The following PRKD1 variants were observed in gnomAD, a reference collection of about 807,000 sequenced individuals.
PRKD1 encodes the protein protein kinase D1, also known as serine/threonine-protein kinase D1.
PRKD1 carries 63 observed loss-of-function variants against 95.9 expected under a neutral mutation model. That is an observed-to-expected ratio of 0.66 (90% CI 0.54 to 0.81). The LOEUF (loss-of-function observed/expected upper bound fraction) is 0.81, where lower values mean the gene tolerates loss of function less well. Among genes scored for constraint, PRKD1 ranks in the 30% least tolerant of loss-of-function variants. The pLI, the probability that PRKD1 is intolerant of heterozygous loss-of-function variation, is 0.00. For synonymous variants in PRKD1, 425 were observed against 423.1 expected (o/e 1.00, Z -0.05); for missense variants, 1,048 against 1,165.3 (o/e 0.90, Z 1.47).
chr14:29,828,749 G>A (rs1196371495), intron 1 of PRKD1, among the ~76,000 whole-genome samples: 1 of 152,058 alleles, frequency 6.6e-6, no homozygotes, highest in Non-Finnish European at 1.5e-5. Context: ...AACATATACT[G>A]AATTAGATAT....
intron 2 of PRKD1, among the ~76,000 whole-genome samples, chr14:29,677,504 T>G (rs925781485): frequency 1.3e-5 from 2 of 152,238 alleles, no homozygotes; most frequent in Non-Finnish European, 2.9e-5. Context: ...TTTTGTGGTG[T>G]TAACTCCATT....
At chr14:29,786,053 G>T (rs1191439427) in intron 1 of PRKD1, among the ~76,000 whole-genome samples, 1 of 152,080 alleles carries the variant, frequency 6.6e-6, no homozygotes, top group Non-Finnish European at 1.5e-5. Context: ...TCAACATGAA[G>T]GGATGTGAAA....
At chr14:29,882,511 G>A (rs1893548462) in intron 1 of PRKD1, among the ~76,000 whole-genome samples, 1 of 152,152 alleles carries the variant, frequency 6.6e-6, no homozygotes, top group Admixed American at 6.5e-5. Context: ...ATTAGTTGTG[G>A]TGAGATAATA....
chr14:29,671,860 TAATA>T (rs377473005), intron 2 of PRKD1, among the ~76,000 whole-genome samples: 4 of 152,062 alleles, frequency 2.6e-5, no homozygotes, highest in Non-Finnish European at 4.4e-5. Flanking sequence ...AACAGAAGAG[TAATA>T]AATAAATTTT....
intron 16 of PRKD1, among the ~76,000 whole-genome samples, chr14:29,595,122 C>T (rs1893254649): frequency 6.6e-6 from 1 of 152,088 alleles, no homozygotes; most frequent in Non-Finnish European, 1.5e-5. Flanking sequence ...CCCATCTGAG[C>T]TGGTCTCCAT....
At chr14:29,652,757 C>T (rs905014696) in intron 4 of PRKD1, 2 of 152,162 alleles carry the variant, frequency 1.3e-5, no homozygotes, top group Non-Finnish European at 2.9e-5. Context: ...GAGAAATCAC[C>T]AGGATTCCTG....
At chr14:29,766,273 G>A (rs755671504) in intron 1 of PRKD1, among the ~76,000 whole-genome samples, 2 of 152,038 alleles carry the variant, frequency 1.3e-5, no homozygotes, top group Non-Finnish European at 2.9e-5. Flanking sequence ...TTTGCCCACT[G>A]TTCATCATAG....
At chr14:29,756,237 A>G (rs910543611) in intron 1 of PRKD1, among the ~76,000 whole-genome samples, 4 of 152,170 alleles carry the variant, frequency 2.6e-5, no homozygotes, top group Non-Finnish European at 4.4e-5. Context: ...TTTAACTGTA[A>G]CAAACTGTTG....
chr14:29,756,538 A>G (rs1358483601), intron 1 of PRKD1, among the ~76,000 whole-genome samples: 1 of 152,206 alleles, frequency 6.6e-6, no homozygotes, highest in East Asian at 1.9e-4. Context: ...AGCTCTTTGG[A>G]ACGTTAAAGT....
intron 1 of PRKD1, among the ~76,000 whole-genome samples, chr14:29,734,599 T>C (rs183132604): frequency 7.1e-4 from 108 of 152,256 alleles, no homozygotes; most frequent in Admixed American, 1.3e-3. Context: ...AAGTGTTTGG[T>C]GAACTTTCTC....
intron 4 of PRKD1, among the ~76,000 whole-genome samples, chr14:29,642,308 G>A (rs1880836645): frequency 6.6e-6 from 1 of 152,108 alleles, no homozygotes; most frequent in African/African-American, 2.4e-5. Flanking sequence ...GTTATTTTAA[G>A]CAAAAATATA....
chr14:29,685,028 T>C (rs1883775358), intron 2 of PRKD1, among the ~76,000 whole-genome samples: 1 of 152,210 alleles, frequency 6.6e-6, no homozygotes, highest in Non-Finnish European at 1.5e-5. Context: ...GAGTCCTTCT[T>C]TGGTGTAATG....
intron 1 of PRKD1, among the ~76,000 whole-genome samples, chr14:29,856,776 C>T (rs1184997679): frequency 1.3e-5 from 2 of 152,178 alleles, no homozygotes; most frequent in East Asian, 1.9e-4. Flanking sequence ...ATCTCTGAGG[C>T]TGGTAAGCTA....
chr14:29,922,117 C>A (rs541797028), intron 1 of PRKD1, among the ~76,000 whole-genome samples: 2 of 151,566 alleles, frequency 1.3e-5, no homozygotes, highest in African/African-American at 2.4e-5. Context: ...CTGGATAACA[C>A]GGTGAAACCC....
intron 2 of PRKD1, among the ~76,000 whole-genome samples, chr14:29,720,205 A>C (rs1420496700): frequency 6.6e-6 from 1 of 152,134 alleles, no homozygotes; most frequent in Non-Finnish European, 1.5e-5. Flanking sequence ...ATTTTACTTT[A>C]ATTTATGTAA....
chr14:29,648,197 T>C (rs1185940374), intron 4 of PRKD1, among the ~76,000 whole-genome samples: 2 of 41,336 alleles, frequency 4.8e-5, no homozygotes, highest in Non-Finnish European at 8.2e-5. Context: ...ACTTTTATGA[T>C]TTTTTTCTAT....
chr14:29,598,552 G>T (rs900660217), intron 15 of PRKD1, among the ~76,000 whole-genome samples: 13 of 152,144 alleles, frequency 8.5e-5, no homozygotes, highest in Non-Finnish European at 1.8e-4. Flanking sequence ...GCTCTGCACT[G>T]GCACATATAT....
chr14:29,580,895 A>G (rs1459939257), intron 16 of PRKD1, among the ~76,000 whole-genome samples: 1 of 152,100 alleles, frequency 6.6e-6, no homozygotes, highest in Non-Finnish European at 1.5e-5. Context: ...CTTATGAAAT[A>G]AAAAGTTAAT....
rs780784905 is a variant in PRKD1 at position 29,666,203 on chromosome 14, C to T, written c.409G>A (p.Ala137Thr). ...DLIEVVLSAS[A>T]TFEDFQIRPH... Reference sequence around the variant, plus strand: ...CGAATCTGAAAGTCTTCAAAGGTGGCGGAAGCTGTAAAAATAGTGATGTTG... The same window carrying T: ...CGAATCTGAAAGTCTTCAAAGGTGGTGGAAGCTGTAAAAATAGTGATGTTG... The change falls in exon 3 of 18, where the codon GCC becomes ACC. Residue 137 changes from alanine to threonine, a missense_variant. By Grantham distance (58) the Ala-to-Thr change is moderately conservative. Transcript: ENST00000331968. 19 of 1,584,904 alleles carry T rather than the reference C, an allele frequency of 1.2e-5. No individual in the cohort carries two copies. Among genetic ancestry groups the T allele is most frequent in the South Asian group, 9.3e-5 (8 of 86,114 alleles).
Sources: allele counts gnomAD v4.1 joint callset (sites outside exome capture counted in the v4.1 genomes callset), GRCh38; gene constraint gnomAD v4.1.1; transcripts MANE v1.5; gene names NCBI Gene and HGNC (gene_info 2026-07-23, HGNC 2026-07-21).